NTRK2: variants seen among roughly 807,000 people sequenced by gnomAD.
NTRK2 encodes neurotrophic receptor tyrosine kinase 2, also known as BDNF/NT-3 growth factors receptor.
Under a neutral mutation model 94.5 loss-of-function variants are expected in NTRK2, and 13 were observed. The ratio of observed to expected loss-of-function variants is 0.14; its 90% CI spans 0.09 to 0.22. NTRK2 has a LOEUF of 0.22. Ranked by LOEUF, NTRK2 falls within the 10% of genes least tolerant of loss-of-function variation. NTRK2 has a pLI of 1.00. For synonymous variants in NTRK2, 372 were observed against 407.4 expected, an observed-to-expected ratio of 0.91 and a Z score of 1.05; for missense variants, 639 against 1,071.2, an observed-to-expected ratio of 0.60 and a Z score of 5.63.
intron 17 of NTRK2, among the ~76,000 whole-genome samples, chr9:84,988,943 C>T (rs1019851848): frequency 6.6e-6 from 1 of 152,216 alleles, no homozygotes; most frequent in African/African-American, 2.4e-5. Context: ...ATTTTTGATA[C>T]AAGCTGGGAC....
chr9:84,747,418 G>A (rs2064178437), intron 11 of NTRK2, among the ~76,000 whole-genome samples: 1 of 150,712 alleles, frequency 6.6e-6, no homozygotes, highest in Non-Finnish European at 1.5e-5. Context: ...AGAAATCCAA[G>A]CAGCATGTAT....
At chr9:84,945,298 T>A (rs1055054594) in intron 15 of NTRK2, among the ~76,000 whole-genome samples, 1 of 152,174 alleles carries the variant, frequency 6.6e-6, no homozygotes, top group Non-Finnish European at 1.5e-5. Context: ...GGGGTTCTTT[T>A]AGTTGCCTGA....
At chr9:84,828,800 C>T (rs965999158) in intron 12 of NTRK2, among the ~76,000 whole-genome samples, 3 of 152,196 alleles carry the variant, frequency 2.0e-5, no homozygotes, top group Non-Finnish European at 4.4e-5. Context: ...ATTGAAAAGT[C>T]AAAGCCGATT....
intron 12 of NTRK2, among the ~76,000 whole-genome samples, chr9:84,790,737 G>C (rs2068639413): frequency 6.6e-6 from 1 of 152,206 alleles, no homozygotes; most frequent in South Asian, 2.1e-4. Context: ...GCCTTTCTTT[G>C]TGGGAATCTG....
At chr9:85,000,063 A>C (rs1315405552) in intron 17 of NTRK2, among the ~76,000 whole-genome samples, 1 of 152,184 alleles carries the variant, frequency 6.6e-6, no homozygotes, top group Non-Finnish European at 1.5e-5. Flanking sequence ...GTCACATCCC[A>C]CGTCCTCATT....
At chr9:84,895,836 AC>A (rs976221239) in intron 14 of NTRK2, among the ~76,000 whole-genome samples, 73 of 152,318 alleles carry the variant, frequency 4.8e-4, no homozygotes, top group African/African-American at 1.6e-3. Flanking sequence ...GGGAATTATT[AC>A]CTAGCAACGC....
At chr9:84,800,181 C>T (rs908582315) in intron 12 of NTRK2, among the ~76,000 whole-genome samples, 6 of 149,276 alleles carry the variant, frequency 4.0e-5, no homozygotes, top group South Asian at 2.2e-4. Flanking sequence ...AACTGGAAGC[C>T]GAAGCTCTAT....
intron 17 of NTRK2, among the ~76,000 whole-genome samples, chr9:85,002,549 A>G (rs1208682261): frequency 1.3e-5 from 2 of 152,196 alleles, no homozygotes; most frequent in Admixed American, 1.3e-4. Flanking sequence ...TAATTTAGAG[A>G]GGTGATGAAG....
intron 14 of NTRK2, among the ~76,000 whole-genome samples, chr9:84,900,260 A>G (rs578114183): frequency 3.3e-5 from 5 of 152,276 alleles, no homozygotes; most frequent in African/African-American, 1.2e-4. Context: ...AAAGACAACT[A>G]TTCATAGAGT....
chr9:84,700,161 A>G (rs1375971714), intron 2 of NTRK2, among the ~76,000 whole-genome samples: 1 of 152,164 alleles, frequency 6.6e-6, no homozygotes, highest in East Asian at 1.9e-4. Flanking sequence ...ACTCGCCCAC[A>G]TTATCTATCC....
chr9:84,901,216 T>TTTATTTTATC (rs2076919788), intron 14 of NTRK2, among the ~76,000 whole-genome samples: 1 of 149,932 alleles, frequency 6.7e-6, no homozygotes, highest in Non-Finnish European at 1.5e-5. Flanking sequence ...TTTATTTTAT[T>TTTATTTTATC]TTATTTTATT....
chr9:85,009,794 G>T (rs1831367470), intron 17 of NTRK2, among the ~76,000 whole-genome samples: 1 of 152,146 alleles, frequency 6.6e-6, no homozygotes, highest in Non-Finnish European at 1.5e-5. Context: ...TTGGCATTTA[G>T]AACCATAATG....
chr9:84,816,708 G>A (rs1281270058), intron 12 of NTRK2, among the ~76,000 whole-genome samples: 1 of 148,550 alleles, frequency 6.7e-6, no homozygotes. Flanking sequence ...GAACCCAGGA[G>A]GTGGAGTTTG....
chr9:84,836,550 A>C (rs2131729661), intron 12 of NTRK2, among the ~76,000 whole-genome samples: 1 of 150,674 alleles, frequency 6.6e-6, no homozygotes, highest in South Asian at 2.2e-4. Context: ...TTATTATCCT[A>C]TTAGATTACA....
intron 14 of NTRK2, among the ~76,000 whole-genome samples, chr9:84,899,506 G>A (rs2076864147): frequency 6.6e-6 from 1 of 152,124 alleles, no homozygotes; most frequent in African/African-American, 2.4e-5. Flanking sequence ...CCTCCCACCA[G>A]CCATGACCTA....
At chr9:84,901,958 A>G (rs2076942537) in intron 14 of NTRK2, among the ~76,000 whole-genome samples, 1 of 152,120 alleles carries the variant, frequency 6.6e-6, no homozygotes, top group Non-Finnish European at 1.5e-5. Context: ...GCACTTTGGG[A>G]GACTGGGGTG....
At chr9:84,750,440 G>A (rs2064487100) in intron 11 of NTRK2, among the ~76,000 whole-genome samples, 1 of 152,136 alleles carries the variant, frequency 6.6e-6, no homozygotes, top group Non-Finnish European at 1.5e-5. Flanking sequence ...TAGACAAACA[G>A]CATTAATGAT....
At chr9:84,982,222 C>T (rs1399674306) in intron 17 of NTRK2, among the ~76,000 whole-genome samples, 4 of 152,292 alleles carry the variant, frequency 2.6e-5, no homozygotes, top group Middle Eastern at 3.4e-3. Context: ...AGGAAACCCA[C>T]CTATGCCACA....
chr9:84,731,013 A>C (rs1293817530), intron 9 of NTRK2, among the ~76,000 whole-genome samples: 8 of 151,624 alleles, frequency 5.3e-5, no homozygotes, highest in Non-Finnish European at 2.9e-5. Flanking sequence ...GTTATATTGG[A>C]AGTTTCCCGG....
Sources: allele counts gnomAD v4.1 joint callset (sites outside exome capture counted in the v4.1 genomes callset), GRCh38; gene constraint gnomAD v4.1.1; transcripts MANE v1.5; gene names NCBI Gene and HGNC (gene_info 2026-07-23, HGNC 2026-07-21).